The following SMIM7 variants were observed in gnomAD, a reference collection of about 807,000 sequenced individuals.
The protein encoded by SMIM7 is UPF0608 protein C19orf42.
Under a neutral mutation model 13.3 loss-of-function variants are expected in SMIM7, and 12 were observed. That is an observed-to-expected ratio of 0.90 (90% CI 0.58 to 1.46). SMIM7 has a LOEUF of 1.46. SMIM7 is among the 40% of genes most tolerant of loss of function. The pLI is 0.00. For synonymous variants in SMIM7, 36 were observed against 35.8 expected (o/e 1.01, Z -0.02); for missense variants, 114 against 94.8 (o/e 1.20, Z -0.84).
Position 16,654,052 on chromosome 19 carries a change from C to G in SMIM7, c.195G>C (p.Met65Ile). The change falls in exon 4 of 5, where the codon ATG becomes ATC. Residue 65 changes from methionine (M) to isoleucine (I), a missense_variant. By Grantham distance (10) the Met-to-Ile change is conservative (BLOSUM62 1). Coordinates refer to ENST00000487416, the MANE Select transcript of SMIM7 (RefSeq NM_024104.4). ...RIFIALWNIF[M>I]MFCMIVLFGS ...GGACTCACACAATCATGCAGAACATCATGAAGATGTTCCACAGGGCGATGA... is the reference window on the plus strand; with the variant it reads ...GGACTCACACAATCATGCAGAACATGATGAAGATGTTCCACAGGGCGATGA... 1 of 1,614,032 alleles carries G rather than the reference C, an allele frequency of 6.2e-7. No individual in the cohort carries two copies. The highest frequency in any genetic ancestry group is 8.5e-7 in the Non-Finnish European group (1 of 1,179,992).
intron 4 of SMIM7, 79 bp from the exon 5 acceptor site, chr19:16,647,340 A>G: frequency 5.3e-6 from 8 of 1,521,024 alleles, no homozygotes; most frequent in Non-Finnish European, 6.4e-6. Flanking sequence ...ATTATTTTAC[A>G]TGACTATTAC....
intron 4 of SMIM7, chr19:16,634,425 A>T (rs2086344036): frequency 6.6e-6 from 1 of 152,154 alleles, no homozygotes; most frequent in Non-Finnish European, 1.5e-5. Context: ...AGCTTTAAGG[A>T]GGCCTGGAAG....
rs869256040 is a variant in SMIM7, at chr19:16,655,680, CAAAAAAAAA to C, written c.122-1564_122-1556del. ...TGGGTGACACAGCAAGACTCCATCT[CAAAAAAAAA>C]AAAAAAAAAAAAAAAAGAATGGCTC... On this transcript the variant is annotated intron_variant, in intron 3 of 4. Coordinates refer to ENST00000487416, the MANE Select transcript of SMIM7 (RefSeq NM_024104.4). Among the ~76,000 whole-genome samples, 16 of 38,502 alleles carry C rather than the reference CAAAAAAAAA, an allele frequency of 4.2e-4. No individual in the cohort carries two copies. In the East Asian group the frequency reaches 4.5e-3, roughly 11 times the overall value. 25.3% of individuals were successfully genotyped at this position (38,502 alleles called of 152,430 possible).
Position 16,659,839 on chromosome 19 carries a change from C to T in SMIM7, c.68+120G>A, listed in dbSNP as rs1359317154. ...CCAGGCTGGAGGCGTGCCCAGAGGG[C>T]GGATAGGGCGGGGCCTGCGGCTTGG... On this transcript the variant is annotated intron_variant, in intron 2 of 4. Transcript: ENST00000487416. 4.5e-6 allele frequency: 6 copies of T among 1,336,280 alleles called. 1 individual carries two copies. In the South Asian group the frequency reaches 6.3e-5, roughly 14 times the overall value. 82.8% of individuals were successfully genotyped at this position (1,336,280 alleles called of 1,614,324 possible).
chr19:16,658,890 ATG>A (rs2086630459), intron 3 of SMIM7, among the ~76,000 whole-genome samples: 1 of 152,062 alleles, frequency 6.6e-6, no homozygotes, highest in South Asian at 2.1e-4. Flanking sequence ...GTAGGAAGTG[ATG>A]TGAGTGCTCA....
chr19:16,650,675 A>G (rs2086512527), intron 4 of SMIM7, among the ~76,000 whole-genome samples: 1 of 149,646 alleles, frequency 6.7e-6, no homozygotes, highest in South Asian at 2.1e-4. Flanking sequence ...GTGCCACTGC[A>G]CTCCAGTCTG....
chr19:16,659,920 TC>T (rs772037107), intron 2 of SMIM7, 38 bp downstream of exon 2: 1 of 1,591,390 alleles, frequency 6.3e-7, no homozygotes. Context: ...GGCTACGGGT[TC>T]CCCGGATGGA....
At chr19:16,642,262 A>G (rs966995636), downstream of SMIM7, among the ~76,000 whole-genome samples, 2 of 152,222 alleles carry the variant, frequency 1.3e-5, no homozygotes, top group Non-Finnish European at 2.9e-5. Flanking sequence ...TGCAGTTATT[A>G]AGAATCATAT....
chr19:16,659,767 A>T, intron 2 of SMIM7, 192 bp downstream of exon 2: 1 of 716,316 alleles, frequency 1.4e-6, no homozygotes, highest in South Asian at 1.7e-5. Flanking sequence ...AGGAACGGAG[A>T]GTATGGGTTT....
At chr19:16,652,393 G>C (rs936603248) in intron 4 of SMIM7, 15 of 261,564 alleles carry the variant, frequency 5.7e-5, no homozygotes, top group Middle Eastern at 1.8e-3. Context: ...GTAAAGACAG[G>C]GTTTCACCAT....
intron 4 of SMIM7, among the ~76,000 whole-genome samples, chr19:16,638,307 T>C (rs1384745979): frequency 9.0e-5 from 12 of 133,780 alleles, no homozygotes; most frequent in Middle Eastern, 4.0e-3. Context: ...TTTTCTTTTT[T>C]TTTTTTTTTT....
intron 1 of SMIM7, 26 bp downstream of exon 1, chr19:16,660,059 T>C: frequency 6.2e-7 from 1 of 1,614,186 alleles, no homozygotes; most frequent in Non-Finnish European, 8.5e-7. Flanking sequence ...GGCTCTCTCT[T>C]CCCAGCCTCT....
intron 4 of SMIM7, among the ~76,000 whole-genome samples, chr19:16,632,535 ATTTTTTT>A (rs397933494): frequency 1.6e-5 from 2 of 126,972 alleles, no homozygotes; most frequent in Non-Finnish European, 3.3e-5. Flanking sequence ...AACTGTGAAC[ATTTTTTT>A]TTTTTTTTTT....
chr19:16,650,130 C>G (rs73006556), intron 4 of SMIM7, among the ~76,000 whole-genome samples: 3 of 152,250 alleles, frequency 2.0e-5, no homozygotes, highest in Non-Finnish European at 2.9e-5. Flanking sequence ...TAAAACCTCT[C>G]CATGGTTCAT....
At chr19:16,658,472 T>C (rs990799383) in intron 3 of SMIM7, among the ~76,000 whole-genome samples, 2 of 152,138 alleles carry the variant, frequency 1.3e-5, no homozygotes, top group South Asian at 2.1e-4. Context: ...AGGCAGATGA[T>C]AGACATATGA....
Position 16,647,265 on chromosome 19 carries a change from G to T in SMIM7, c.213-4C>A. On this transcript the variant is annotated splice_polypyrimidine_tract_variant and splice_region_variant and intron_variant, in intron 4 of 4. Coordinates refer to ENST00000487416, the MANE Select transcript of SMIM7 (RefSeq NM_024104.4). ...TGGGATTCAAGAGCCGAACAGCCTG[G>T]AGAAGTCAGAGGGCAGAAATGTCTG... 1 of 1,613,992 alleles carries T rather than the reference G, an allele frequency of 6.2e-7. No individual in the cohort carries two copies. The highest frequency in any genetic ancestry group is 8.5e-7 in the Non-Finnish European group (1 of 1,180,022).
chr19:16,650,709 CAAAA>C (rs571019127), intron 4 of SMIM7, among the ~76,000 whole-genome samples: 7 of 98,154 alleles, frequency 7.1e-5, no homozygotes, highest in Admixed American at 2.4e-4. Flanking sequence ...GACTCCACCT[CAAAA>C]AAAAAAAAAA....
At chr19:16,636,730 C>T (rs1005528897) in intron 4 of SMIM7, among the ~76,000 whole-genome samples, 4 of 152,082 alleles carry the variant, frequency 2.6e-5, no homozygotes, top group Non-Finnish European at 4.4e-5. Flanking sequence ...GGTGGGAGGA[C>T]TGCTTGAGCC....
At chr19:16,642,850 G>A (rs1277809216), downstream of SMIM7, among the ~76,000 whole-genome samples, 5 of 143,498 alleles carry the variant, frequency 3.5e-5, no homozygotes, top group Admixed American at 7.1e-5. Context: ...TTGAGACAGA[G>A]TCTCACTCTG....
Sources: gnomAD v4.1 joint callset for allele counts (sites outside exome capture counted in the v4.1 genomes callset) on GRCh38, gnomAD v4.1.1 for gene constraint, MANE v1.5 for transcripts, NCBI Gene and HGNC (gene_info 2026-07-23, HGNC 2026-07-21) for gene names.